Variants in SAMMSON observed in about 807,000 individuals in gnomAD.
SAMMSON encodes the protein long intergenic non-protein coding RNA 1212.
chr3:70,147,476 G>A (rs1278061512), intron 4 of SAMMSON, among the ~76,000 whole-genome samples: 2 of 151,992 alleles, frequency 1.3e-5, no homozygotes, highest in Non-Finnish European at 2.9e-5. Context: ...ACACGTAGAT[G>A]ACTGGAATAT....
downstream of SAMMSON, among the ~76,000 whole-genome samples, chr3:70,393,814 G>A (rs1575640197): frequency 6.6e-6 from 1 of 152,240 alleles, no homozygotes; most frequent in South Asian, 2.1e-4. Flanking sequence ...GCTCAGACAG[G>A]TGGTCTGGGG....
At chr3:70,083,048 G>C (rs2067272402) in intron 4 of SAMMSON, among the ~76,000 whole-genome samples, 1 of 152,206 alleles carries the variant, frequency 6.6e-6, no homozygotes, top group South Asian at 2.1e-4. Context: ...GGGAGCAGAA[G>C]TAATCTTCGT....
At chr3:70,030,833 C>T (rs1018210795) in intron 3 of SAMMSON, 1 of 152,124 alleles carries the variant, frequency 6.6e-6, no homozygotes, top group Non-Finnish European at 1.5e-5. Context: ...TGCAAATCAA[C>T]ACCAAAATAA....
chr3:70,109,702 A>G (rs942732151), intron 4 of SAMMSON, among the ~76,000 whole-genome samples: 5 of 152,190 alleles, frequency 3.3e-5, no homozygotes, highest in African/African-American at 1.2e-4. Context: ...TGTGTGGCTA[A>G]TACACGTGGG....
At chr3:70,182,470 A>G (rs1473127525) in intron 4 of SAMMSON, among the ~76,000 whole-genome samples, 1 of 152,102 alleles carries the variant, frequency 6.6e-6, no homozygotes, top group Admixed American at 6.5e-5. Flanking sequence ...TCAGGGTACA[A>G]TTGGAATTAG....
At chr3:70,043,142 A>AG (rs2067111965) in intron 3 of SAMMSON, among the ~76,000 whole-genome samples, 2 of 152,080 alleles carry the variant, frequency 1.3e-5, no homozygotes, top group Non-Finnish European at 1.5e-5. Flanking sequence ...ATGTGTTACA[A>AG]GGGGCTGTTT....
At chr3:70,349,168 A>G (rs1702773773) in intron 7 of SAMMSON, among the ~76,000 whole-genome samples, 1 of 151,988 alleles carries the variant, frequency 6.6e-6, no homozygotes, top group Non-Finnish European at 1.5e-5. Context: ...CAAGGTCGGG[A>G]TTTGAGACCA....
At chr3:70,336,345 A>G (rs1480310164) in intron 7 of SAMMSON, among the ~76,000 whole-genome samples, 1 of 152,040 alleles carries the variant, frequency 6.6e-6, no homozygotes, top group Non-Finnish European at 1.5e-5. Flanking sequence ...TGGAAATTGT[A>G]TGCTTCACAA....
intron 4 of SAMMSON, among the ~76,000 whole-genome samples, chr3:70,119,104 T>C (rs2067422795): frequency 1.3e-5 from 2 of 152,328 alleles, no homozygotes; most frequent in South Asian, 4.1e-4. Flanking sequence ...TTCGCTCTTG[T>C]TACCCAAGCT....
At chr3:70,070,923 G>T (rs1043322117) in intron 3 of SAMMSON, among the ~76,000 whole-genome samples, 7 of 152,014 alleles carry the variant, frequency 4.6e-5, no homozygotes, top group African/African-American at 1.7e-4. Flanking sequence ...AGCCCCAGAC[G>T]TCTGAGCTTA....
intron 4 of SAMMSON, among the ~76,000 whole-genome samples, chr3:70,086,153 G>A (rs2067284832): frequency 6.6e-6 from 1 of 152,184 alleles, no homozygotes; most frequent in Non-Finnish European, 1.5e-5. Flanking sequence ...AGTGAAGGAA[G>A]CAAGTTTTAT....
intron 7 of SAMMSON, among the ~76,000 whole-genome samples, chr3:70,337,823 C>T (rs2106726715): frequency 6.6e-6 from 1 of 151,778 alleles, no homozygotes; most frequent in East Asian, 1.9e-4. Flanking sequence ...CTAATAATTA[C>T]TTTTGGTTTT....
intron 7 of SAMMSON, among the ~76,000 whole-genome samples, chr3:70,318,843 G>A (rs558460114): frequency 3.6e-4 from 55 of 151,972 alleles, no homozygotes; most frequent in African/African-American, 1.3e-3. Context: ...TTCTGATAAT[G>A]GGTCATTTTC....
At chr3:70,229,297 C>T (rs930849285) in intron 4 of SAMMSON, among the ~76,000 whole-genome samples, 1 of 152,160 alleles carries the variant, frequency 6.6e-6, no homozygotes, top group Non-Finnish European at 1.5e-5. Context: ...GCAACCATGT[C>T]AGTGCCTATA....
chr3:70,194,148 T>C (rs1413398126), intron 4 of SAMMSON, among the ~76,000 whole-genome samples: 1 of 152,176 alleles, frequency 6.6e-6, no homozygotes, highest in African/African-American at 2.4e-5. Flanking sequence ...GCAAAGACAA[T>C]GTAGCTATGT....
At chr3:70,114,907 A>G (rs2067404224) in intron 4 of SAMMSON, among the ~76,000 whole-genome samples, 2 of 152,126 alleles carry the variant, frequency 1.3e-5, no homozygotes, top group Non-Finnish European at 2.9e-5. Flanking sequence ...GCATTGCAGG[A>G]AGTACTTTAT....
At chr3:70,392,787 A>G (rs976526468), downstream of SAMMSON, among the ~76,000 whole-genome samples, 1 of 152,138 alleles carries the variant, frequency 6.6e-6, no homozygotes, top group Admixed American at 6.6e-5. Context: ...AAAACTTGTG[A>G]TAATTTTCAC....
intron 7 of SAMMSON, among the ~76,000 whole-genome samples, chr3:70,305,782 A>G (rs1001230050): frequency 1.3e-5 from 2 of 152,220 alleles, no homozygotes; most frequent in Non-Finnish European, 2.9e-5. Context: ...TATGAATGTC[A>G]ATAAATGTGG....
At chr3:70,272,902 G>A (rs889694712) in intron 6 of SAMMSON, among the ~76,000 whole-genome samples, 2 of 152,220 alleles carry the variant, frequency 1.3e-5, no homozygotes, top group Admixed American at 1.3e-4. Flanking sequence ...ATTCTAAGGA[G>A]ACAGCTAGCA....
Sources: allele counts gnomAD v4.1 joint callset (sites outside exome capture counted in the v4.1 genomes callset), GRCh38; gene constraint gnomAD v4.1.1; transcripts MANE v1.5; gene names NCBI Gene and HGNC (gene_info 2026-07-23, HGNC 2026-07-21).